The following CCDC91 variants were observed in gnomAD, a reference collection of about 807,000 sequenced individuals.
The protein encoded by CCDC91 is coiled-coil domain-containing protein 91.
Under a neutral mutation model 63.2 loss-of-function variants are expected in CCDC91, and 48 were observed. The observed-to-expected ratio is 0.76, with a 90% CI of 0.60 to 0.97. The LOEUF is 0.97. CCDC91 is among the 50% of genes least tolerant of loss of function. The pLI is 0.00. For missense variants in CCDC91, 500 were observed against 494.6 expected, an observed-to-expected ratio of 1.01 and a Z score of -0.10; for synonymous variants, 167 against 165.8, an observed-to-expected ratio of 1.01 and a Z score of -0.06.
chr12:28,214,114 TC>T (rs1337050788), intron 1 of CCDC91, among the ~76,000 whole-genome samples: 1 of 152,060 alleles, frequency 6.6e-6, no homozygotes, highest in African/African-American at 2.4e-5. Context: ...AGATCTTAGT[TC>T]CAGATGGTGG....
intron 8 of CCDC91, among the ~76,000 whole-genome samples, chr12:28,412,421 A>C (rs934555003): frequency 1.3e-5 from 2 of 152,170 alleles, no homozygotes; most frequent in Non-Finnish European, 2.9e-5. Flanking sequence ...CTCTGCCTAA[A>C]AGTAGGACAT....
chr12:28,548,751 G>A (rs751043541), intron 12 of CCDC91, among the ~76,000 whole-genome samples: 14 of 151,976 alleles, frequency 9.2e-5, no homozygotes, highest in African/African-American at 2.9e-4. Flanking sequence ...GTTTGGTTGC[G>A]TATATACACT....
chr12:28,529,850 A>G (rs1312069158), intron 12 of CCDC91, among the ~76,000 whole-genome samples: 1 of 152,166 alleles, frequency 6.6e-6, no homozygotes, highest in Non-Finnish European at 1.5e-5. Flanking sequence ...TTTTTCATGC[A>G]TACCAAATCC....
chr12:28,437,188 C>T (rs1418014749), intron 8 of CCDC91, among the ~76,000 whole-genome samples: 2 of 151,718 alleles, frequency 1.3e-5, no homozygotes, highest in Middle Eastern at 3.2e-3. Context: ...TATTTATTCA[C>T]GTGTACATTA....
intron 1 of CCDC91, among the ~76,000 whole-genome samples, chr12:28,204,755 A>G (rs11049454): frequency 0.2 from 31,165 of 152,060 alleles, 4,152 homozygotes; most frequent in Non-Finnish European, 0.3. Context: ...AAGGCTCACC[A>G]CAGAGTTGCT....
At chr12:28,241,210 C>CT (rs1478865391) in intron 1 of CCDC91, among the ~76,000 whole-genome samples, 1 of 152,080 alleles carries the variant, frequency 6.6e-6, no homozygotes, top group Non-Finnish European at 1.5e-5. Context: ...GTGAATGTCT[C>CT]TATCTTTTGT....
chr12:28,355,989 A>G (rs1217225746), intron 6 of CCDC91, among the ~76,000 whole-genome samples: 5 of 152,032 alleles, frequency 3.3e-5, no homozygotes, highest in African/African-American at 1.2e-4. Context: ...TCCATTTGTA[A>G]TATTTATACT....
intron 12 of CCDC91, among the ~76,000 whole-genome samples, chr12:28,509,512 A>T (rs1017188722): frequency 1.3e-5 from 2 of 151,942 alleles, no homozygotes; most frequent in African/African-American, 4.8e-5. Context: ...TATAATACAC[A>T]TCAACAGTTT....
At position 28,330,123 on chromosome 12, in the gene CCDC91, C is replaced by G. The variant is rs189806841; in HGVS notation, c.576+22374C>G. Among the ~76,000 whole-genome samples, 127 of 152,180 alleles carry G rather than the reference C, an allele frequency of 8.3e-4. 3 individuals are homozygous for G. Among genetic ancestry groups the G allele is most frequent in the African/African-American group, 2.9e-3 (120 of 41,544 alleles). ...TAGCATGATTTATAATCCATTGGGT[C>G]TATACCCAGTAATGGGATAGCTGGG... On this transcript the variant is annotated intron_variant, in intron 6 of 12. Coordinates refer to ENST00000536442, the MANE Select transcript of CCDC91 (RefSeq NM_018318.5).
At chr12:28,505,992 T>C (rs1169220709) in intron 12 of CCDC91, among the ~76,000 whole-genome samples, 2 of 152,000 alleles carry the variant, frequency 1.3e-5, no homozygotes, top group African/African-American at 4.8e-5. Flanking sequence ...GTATTAGGGC[T>C]AAAATCAAAA....
intron 6 of CCDC91, among the ~76,000 whole-genome samples, chr12:28,324,462 A>C (rs929458955): frequency 4.0e-5 from 6 of 151,862 alleles, no homozygotes; most frequent in African/African-American, 1.4e-4. Flanking sequence ...TCCCTCAGCA[A>C]TGCCATTGCC....
rs1941395107 is a variant in CCDC91, at chr12:28,527,759, G to A, written c.1216-21304G>A. Among the ~76,000 whole-genome samples the A allele has an allele frequency of 2.0e-5, 3 of 152,126 alleles. No individual in the cohort carries two copies. In the South Asian group the frequency reaches 6.2e-4, roughly 31 times the overall value. Reference sequence around the variant, plus strand: ...CATGCCTGGGCTTGGACTCTACTTGGGCAGGTCTTGCTGCAACTGCTGTGG... The same window carrying A: ...CATGCCTGGGCTTGGACTCTACTTGAGCAGGTCTTGCTGCAACTGCTGTGG... On this transcript the variant is annotated intron_variant, in intron 12 of 12. Coordinates refer to ENST00000536442, the MANE Select transcript of CCDC91 (RefSeq NM_018318.5).
At chr12:28,226,652 T>G (rs917826649) in intron 1 of CCDC91, among the ~76,000 whole-genome samples, 6 of 152,184 alleles carry the variant, frequency 3.9e-5, no homozygotes, top group African/African-American at 1.4e-4. Flanking sequence ...TTATTGTACA[T>G]TTGTTTAAAT....
chr12:28,373,811 G>A (rs996770749), intron 7 of CCDC91, among the ~76,000 whole-genome samples: 8 of 152,082 alleles, frequency 5.3e-5, no homozygotes, highest in Non-Finnish European at 7.4e-5. Flanking sequence ...GGATCATGGT[G>A]CAGTTTCCCC....
intron 3 of CCDC91, among the ~76,000 whole-genome samples, chr12:28,284,219 T>C (rs1262766287): frequency 6.6e-6 from 1 of 152,230 alleles, no homozygotes; most frequent in Non-Finnish European, 1.5e-5. Context: ...TGATAAACTT[T>C]GTTTTCTTGC....
chr12:28,216,761 T>C (rs1379994004), intron 1 of CCDC91, among the ~76,000 whole-genome samples: 7 of 152,176 alleles, frequency 4.6e-5, no homozygotes. Flanking sequence ...AGTGTGTTTG[T>C]TCAGGAGAGA....
chr12:28,457,961 C>G (rs1950128463), intron 11 of CCDC91, among the ~76,000 whole-genome samples: 1 of 152,100 alleles, frequency 6.6e-6, no homozygotes, highest in African/African-American at 2.4e-5. Flanking sequence ...CAAACTATGT[C>G]TGACGTTGGA....
intron 8 of CCDC91, among the ~76,000 whole-genome samples, chr12:28,422,733 A>G (rs1948085390): frequency 1.3e-5 from 2 of 152,176 alleles, no homozygotes; most frequent in African/African-American, 4.8e-5. Flanking sequence ...AATCTGTTAC[A>G]AAATAAGAAG....
At chr12:28,481,047 C>T (rs1951419526) in intron 11 of CCDC91, among the ~76,000 whole-genome samples, 1 of 151,950 alleles carries the variant, frequency 6.6e-6, no homozygotes, top group South Asian at 2.1e-4. Context: ...TTAATCATAA[C>T]AGTATAAAAA....
Sources: allele counts gnomAD v4.1 joint callset (sites outside exome capture counted in the v4.1 genomes callset), GRCh38; gene constraint gnomAD v4.1.1; transcripts MANE v1.5; gene names NCBI Gene and HGNC (gene_info 2026-07-23, HGNC 2026-07-21).